Variants in C7 observed in about 807,000 individuals in gnomAD.
C7 encodes the protein complement component C7.
A neutral mutation model predicts 104.8 loss-of-function variants in C7; 83 were observed. That is an observed-to-expected ratio of 0.79 (90% confidence interval 0.66 to 0.95). The LOEUF (loss-of-function observed/expected upper bound fraction) is 0.95. Ranked by LOEUF, C7 falls within the 40% of genes least tolerant of loss-of-function variation. C7 has a pLI of 0.00. For synonymous variants in C7, 415 were observed against 360.6 expected (o/e 1.15, Z -1.71); for missense variants, 1,070 against 1,011.2 (o/e 1.06, Z -0.79).
At chr5:40,968,278 A>C (rs915115610) in intron 14 of C7, among the ~76,000 whole-genome samples, 4 of 151,758 alleles carry the variant, frequency 2.6e-5, no homozygotes, top group Admixed American at 6.6e-5. Flanking sequence ...TGCATGCAGC[A>C]CTGCATCTGG....
At chr5:40,939,001 T>C (rs552433773) in intron 6 of C7, among the ~76,000 whole-genome samples, 1 of 152,316 alleles carries the variant, frequency 6.6e-6, no homozygotes, top group East Asian at 1.9e-4. Context: ...GCTCTCGTCT[T>C]TCAAGATCCC....
intron 3 of C7, among the ~76,000 whole-genome samples, chr5:40,931,798 C>T (rs530771884): frequency 2.6e-5 from 4 of 152,284 alleles, no homozygotes; most frequent in East Asian, 3.9e-4. Flanking sequence ...CTCCCTCTGT[C>T]GCCAGGCTGG....
At chr5:40,917,032 G>A (rs1382642574) in intron 1 of C7, among the ~76,000 whole-genome samples, 2 of 151,880 alleles carry the variant, frequency 1.3e-5, no homozygotes, top group African/African-American at 4.8e-5. Flanking sequence ...CTACTTGGGA[G>A]GCTGAGGCAA....
chr5:40,967,911 A>G (rs2111693824), intron 14 of C7: 1 of 151,994 alleles, frequency 6.6e-6, no homozygotes, highest in South Asian at 2.1e-4. Flanking sequence ...TTTTCTTTAT[A>G]TTTTTCTGGG....
chr5:40,924,016 C>G (rs1200998048), intron 1 of C7, among the ~76,000 whole-genome samples: 1 of 152,206 alleles, frequency 6.6e-6, no homozygotes, highest in African/African-American at 2.4e-5. Context: ...GATACCTGCC[C>G]AATAGTCACC....
intron 10 of C7, among the ~76,000 whole-genome samples, chr5:40,957,758 GT>G (rs200026693): frequency 1.8e-5 from 1 of 55,632 alleles, no homozygotes; most frequent in Non-Finnish European, 3.9e-5. Flanking sequence ...GCCTGGGCTG[GT>G]TTTTTTTTGT....
In C7 at chr5:40,955,457, T is replaced by C; in HGVS notation, c.1164T>C (p.Leu388=). The change falls in exon 10 of 18, where the codon CTT becomes CTC. Residue 388 remains leucine, a synonymous_variant. Coordinates refer to ENST00000313164, the MANE Select transcript of C7 (RefSeq NM_000587.4). The stretch of plus-strand genomic sequence containing the variant: ...GAGGTGCAGGCTTCATATCTGGCCT[T>C]AGTTACCTAGAGCTGGACAATCCTG... The part of the protein sequence containing the change: ...RGGGAGFISG[L]SYLELDNPAG... The C allele has an allele frequency of 1.2e-6, 2 of 1,613,414 alleles. No homozygotes were observed. The highest frequency in any genetic ancestry group is 1.1e-5 in the South Asian group (1 of 90,952).
At chr5:40,950,851 G>A (rs922323650) in intron 9 of C7, among the ~76,000 whole-genome samples, 7 of 152,162 alleles carry the variant, frequency 4.6e-5, no homozygotes, top group Non-Finnish European at 1.0e-4. Flanking sequence ...AGTGGAGATG[G>A]GGGGAAGGTG....
intron 11 of C7, 52 bp from the exon 12 acceptor site, chr5:40,959,397 T>G (rs1053349401): frequency 6.5e-7 from 1 of 1,529,384 alleles, no homozygotes; most frequent in Non-Finnish European, 8.9e-7. Flanking sequence ...TAGCACTAAG[T>G]TCCCAAGCCC....
At position 40,981,825 on chromosome 5, in the gene C7, A is replaced by G. The variant is rs75508084; in HGVS notation, c.*252A>G. ...CAGGCTGGCTGCGTGTTCTTGAAAT[A>G]GGTGTTACCTTCTCTGGGCCTTGGT... On this transcript the variant is annotated 3_prime_UTR_variant, in exon 18 of 18. Coordinates refer to ENST00000313164, the MANE Select transcript of C7 (RefSeq NM_000587.4). 4,919 of 353,594 alleles carry G rather than the reference A, an allele frequency of 0.014. 47 individuals are homozygous for G. The highest frequency in any genetic ancestry group is 0.018 in the Non-Finnish European group (3,626 of 196,900). The allele number at this position is 353,594 out of a possible 1,614,324, so 21.9% of individuals were successfully genotyped here. A position where few individuals can be genotyped will look rare whatever the true frequency, so the allele number is the denominator to read the frequency against.
At chr5:40,976,221 C>A (rs981902420) in intron 15 of C7, among the ~76,000 whole-genome samples, 1 of 152,032 alleles carries the variant, frequency 6.6e-6, no homozygotes, top group African/African-American at 2.4e-5. Context: ...CCAGGGAGTT[C>A]TCCATGTATA....
chr5:40,965,440 C>A (rs917186943), intron 14 of C7, among the ~76,000 whole-genome samples: 1 of 152,024 alleles, frequency 6.6e-6, no homozygotes, highest in Admixed American at 6.6e-5. Flanking sequence ...TGGGAATATA[C>A]CTATTGTGAA....
At chr5:40,929,494 G>A (rs115422095) in intron 2 of C7, among the ~76,000 whole-genome samples, 417 of 152,260 alleles carry the variant, frequency 2.7e-3, no homozygotes, top group African/African-American at 9.8e-3. Flanking sequence ...AAGCAGCCAA[G>A]GCACACACTA....
intron 3 of C7, 85 bp downstream of exon 3, chr5:40,931,224 C>T (rs1186513576): frequency 1.1e-6 from 1 of 922,150 alleles, no homozygotes; most frequent in Non-Finnish European, 1.7e-6. Flanking sequence ...TTTGAATGTT[C>T]ATTAAATAGT....
chr5:40,945,262 C>T lies in C7; in HGVS notation c.632C>T (p.Thr211Met), dbSNP rs749541097. The T allele has an allele frequency of 6.3e-6, 10 of 1,579,944 alleles. No homozygotes were observed. In the Admixed American group the frequency reaches 1.2e-4, roughly 20 times the overall value. The stretch of plus-strand genomic sequence containing the variant: ...AGTACTTGGTCTTATGTAAAACATA[C>T]GTCGACAGAACACACATCATCTAGT... The part of the protein sequence containing the change: ...YNSTWSYVKH[T>M]STEHTSSSRK... Residue 211 changes from threonine (T) to methionine (M), a missense_variant, in exon 7 of 18, where the codon ACG becomes ATG. By Grantham distance (81) the Thr-to-Met change is moderately conservative. Coordinates refer to ENST00000313164, the MANE Select transcript of C7 (RefSeq NM_000587.4).
intron 17 of C7, 76 bp downstream of exon 17, chr5:40,979,985 A>G: frequency 7.8e-7 from 1 of 1,282,820 alleles, no homozygotes; most frequent in African/African-American, 1.5e-5. Flanking sequence ...TGTGGTTTCT[A>G]GTTTAGCAGT....
chr5:40,949,801 T>C, intron 8 of C7, 103 bp from the exon 9 acceptor site: 1 of 709,528 alleles, frequency 1.4e-6, no homozygotes, highest in East Asian at 2.7e-5. Flanking sequence ...CTTGATTAGA[T>C]GGCCATAGTA....
chr5:40,923,927 T>TAA (rs1739496531), intron 1 of C7, among the ~76,000 whole-genome samples: 1 of 135,152 alleles, frequency 7.4e-6, no homozygotes, highest in African/African-American at 2.8e-5. Context: ...AACATGAGAT[T>TAA]TGAAAGGGAC....
Position 40,979,714 on chromosome 5 carries a change from A to T in C7, c.2166-11A>T. ...AATCTTGTAAATAATGTCATTAAAA[A>T]TTCTTTTCAGACCTTCCTTGGATGT... On this transcript the variant is annotated splice_polypyrimidine_tract_variant and intron_variant, in intron 16 of 17. Transcript: ENST00000313164. 6.3e-7 allele frequency: 1 copy of T among 1,598,950 alleles called. No homozygotes were observed. Among genetic ancestry groups the T allele is most frequent in the East Asian group, 2.2e-5 (1 of 44,636 alleles).
Sources: allele counts gnomAD v4.1 joint callset (sites outside exome capture counted in the v4.1 genomes callset), GRCh38; gene constraint gnomAD v4.1.1; transcripts MANE v1.5; gene names NCBI Gene and HGNC (gene_info 2026-07-23, HGNC 2026-07-21).